The following SCD5 variants were observed in gnomAD, a reference collection of about 807,000 sequenced individuals.
SCD5 encodes stearoyl-CoA desaturase 5, also known as acyl-CoA-desaturase 4.
A neutral mutation model predicts 30.4 loss-of-function variants in SCD5; 20 were observed. The observed-to-expected ratio is 0.66, with a 90% confidence interval of 0.46 to 0.96. The LOEUF is 0.96. Ranked by LOEUF, SCD5 falls within the 40% of genes least tolerant of loss-of-function variation. The pLI, the probability that SCD5 is intolerant of heterozygous loss-of-function variation, is 0.00. For missense variants in SCD5, 381 were observed against 443.3 expected, an observed-to-expected ratio of 0.86 and a Z score of 1.26; for synonymous variants, 173 against 176.4, an observed-to-expected ratio of 0.98 and a Z score of 0.16.
At chr4:82,795,297 G>T (rs1272825542) in intron 1 of SCD5, among the ~76,000 whole-genome samples, 3 of 152,186 alleles carry the variant, frequency 2.0e-5, no homozygotes, top group African/African-American at 7.2e-5. Flanking sequence ...TCAGGTCCTT[G>T]AAGTGCATGA....
intron 3 of SCD5, among the ~76,000 whole-genome samples, chr4:82,662,896 T>C (rs1728048899): frequency 6.6e-6 from 1 of 151,118 alleles, no homozygotes; most frequent in South Asian, 2.1e-4. Flanking sequence ...TAGAAATCCT[T>C]CAGTGTTCAT....
At chr4:82,673,898 T>C (rs1728381887) in intron 3 of SCD5, among the ~76,000 whole-genome samples, 1 of 152,086 alleles carries the variant, frequency 6.6e-6, no homozygotes, top group African/African-American at 2.4e-5. Flanking sequence ...GGGAATACAA[T>C]AGAGAAAAGG....
In SCD5 at chr4:82,747,964, A is replaced by G. The variant is rs187653833; in HGVS notation, c.233-42551T>C. Among the ~76,000 whole-genome samples the G allele has an allele frequency of 1.7e-3, 255 of 152,344 alleles. 1 individual carries two copies. The highest frequency in any genetic ancestry group is 6.0e-3 in the African/African-American group (249 of 41,584). ...TGAGACCACAGTTGAGCTATTCTCA[A>G]AAAGGACAAATTCAATCAATTGTGG... On this transcript the variant is annotated intron_variant, in intron 1 of 4. Transcript: ENST00000319540.
At position 82,631,232 on chromosome 4, in the gene SCD5, G is replaced by T; in HGVS notation, c.*95C>A. 5 of 1,013,094 alleles carry T rather than the reference G, an allele frequency of 4.9e-6. No homozygotes were observed. The highest frequency in any genetic ancestry group is 4.2e-5 in the South Asian group (2 of 47,502). 62.8% of individuals were successfully genotyped at this position (1,013,094 alleles called of 1,614,324 possible). A position where few individuals can be genotyped will look rare whatever the true frequency, so the allele number is the denominator to read the frequency against. ...TTGACTCGTTCCTTCCCCACCCTCT[G>T]CCCCCTCCCACGATCCAATGTACAA... On this transcript the variant is annotated 3_prime_UTR_variant, in exon 5 of 5. Transcript: ENST00000319540.
chr4:82,646,799 G>T (rs1013459702), intron 3 of SCD5, among the ~76,000 whole-genome samples: 2 of 152,228 alleles, frequency 1.3e-5, no homozygotes, highest in African/African-American at 2.4e-5. Context: ...ATGCAGCAGA[G>T]AAAAGATATT....
intron 1 of SCD5, among the ~76,000 whole-genome samples, chr4:82,777,905 G>C (rs1486872137): frequency 2.4e-5 from 3 of 123,810 alleles, no homozygotes; most frequent in African/African-American, 9.8e-5. Context: ...GCCCCCTTGA[G>C]ACATTTCCCC....
intron 3 of SCD5, among the ~76,000 whole-genome samples, chr4:82,666,746 A>G (rs557867045): frequency 6.6e-6 from 1 of 152,350 alleles, no homozygotes; most frequent in South Asian, 2.1e-4. Flanking sequence ...GTAGTAAAGT[A>G]GCATTTTACT....
intron 1 of SCD5, among the ~76,000 whole-genome samples, chr4:82,782,029 C>T (rs887234723): frequency 1.3e-5 from 2 of 151,682 alleles, no homozygotes; most frequent in African/African-American, 4.9e-5. Context: ...ACATCTAGAG[C>T]CTGGCTGTCT....
At chr4:82,653,919 T>A (rs1727814307) in intron 3 of SCD5, among the ~76,000 whole-genome samples, 1 of 62,502 alleles carries the variant, frequency 1.6e-5, no homozygotes, top group Admixed American at 1.3e-4. Flanking sequence ...TCAATGAGTA[T>A]TTTTTTTTTT....
At chr4:82,670,787 T>C (rs1180242878) in intron 3 of SCD5, among the ~76,000 whole-genome samples, 2 of 151,888 alleles carry the variant, frequency 1.3e-5, no homozygotes, top group African/African-American at 2.4e-5. Flanking sequence ...TCAATTGACA[T>C]GGCAAATATC....
intron 1 of SCD5, among the ~76,000 whole-genome samples, chr4:82,733,231 G>T (rs1720680053): frequency 6.6e-6 from 1 of 152,102 alleles, no homozygotes; most frequent in Admixed American, 6.6e-5. Flanking sequence ...CCACCAGCAT[G>T]CACTCCCACA....
intron 1 of SCD5, among the ~76,000 whole-genome samples, chr4:82,766,651 G>A (rs1000011584): frequency 1.3e-5 from 2 of 152,056 alleles, no homozygotes; most frequent in Admixed American, 6.5e-5. Context: ...TTTTTTATTG[G>A]ATATCAGACA....
chr4:82,740,705 C>T (rs1720854560), intron 1 of SCD5, among the ~76,000 whole-genome samples: 1 of 152,216 alleles, frequency 6.6e-6, no homozygotes, highest in South Asian at 2.1e-4. Flanking sequence ...ACTTTCTCTC[C>T]TCCCTCCTCT....
intron 1 of SCD5, among the ~76,000 whole-genome samples, chr4:82,710,581 A>T (rs1456527598): frequency 6.6e-6 from 1 of 152,152 alleles, no homozygotes; most frequent in African/African-American, 2.4e-5. Flanking sequence ...AGGAGGGGGA[A>T]GCCAACAGAG....
intron 1 of SCD5, among the ~76,000 whole-genome samples, chr4:82,706,944 A>C (rs1162975084): frequency 6.6e-6 from 1 of 152,250 alleles, no homozygotes; most frequent in Admixed American, 6.5e-5. Context: ...CCCTCTGGTC[A>C]TGACCCAAAT....
At chr4:82,762,731 C>T (rs1285358127) in intron 1 of SCD5, among the ~76,000 whole-genome samples, 3 of 152,160 alleles carry the variant, frequency 2.0e-5, no homozygotes, top group African/African-American at 7.2e-5. Flanking sequence ...TCCTGGGTAT[C>T]TGAAGAAACA....
At chr4:82,786,837 A>G (rs1176347757) in intron 1 of SCD5, among the ~76,000 whole-genome samples, 1 of 151,764 alleles carries the variant, frequency 6.6e-6, no homozygotes, top group Non-Finnish European at 1.5e-5. Flanking sequence ...AAACTTCCCA[A>G]TAGCCACCAG....
intron 2 of SCD5, chr4:82,698,007 G>A (rs1560536864): frequency 2.2e-6 from 1 of 456,720 alleles, no homozygotes; most frequent in South Asian, 1.5e-5. Context: ...GAGGCATGAT[G>A]TGCAAATCTC....
At chr4:82,667,257 G>C (rs1251984058) in intron 3 of SCD5, among the ~76,000 whole-genome samples, 1 of 144,512 alleles carries the variant, frequency 6.9e-6, no homozygotes, top group Non-Finnish European at 1.5e-5. Flanking sequence ...TAATGCAGTT[G>C]GTGTATTTTT....
Sources: allele counts gnomAD v4.1 joint callset (sites outside exome capture counted in the v4.1 genomes callset), GRCh38; gene constraint gnomAD v4.1.1; transcripts MANE v1.5; gene names NCBI Gene and HGNC (gene_info 2026-07-23, HGNC 2026-07-21).